Variants in JMJD1C observed in about 807,000 individuals in gnomAD.
JMJD1C encodes the protein jumonji domain-containing protein 1C.
JMJD1C carries 31 observed loss-of-function variants against 245.3 expected under a neutral mutation model. That is an observed-to-expected ratio of 0.13 (90% confidence interval 0.09 to 0.17). JMJD1C has a LOEUF of 0.17. JMJD1C is among the 10% of genes least tolerant of loss of function. The pLI, the probability that JMJD1C is intolerant of heterozygous loss-of-function variation, is 1.00. For synonymous variants in JMJD1C, 1,057 were observed against 1,017.4 expected (o/e 1.04, Z -0.74); for missense variants, 2,691 against 3,000.2 (o/e 0.90, Z 2.41).
chr10:63,293,759 C>G (rs1209518749), intron 2 of JMJD1C, among the ~76,000 whole-genome samples: 1 of 150,538 alleles, frequency 6.6e-6, no homozygotes, highest in Non-Finnish European at 1.5e-5. Flanking sequence ...TTTGAAAATA[C>G]CATATTCTGA....
At chr10:63,193,704 T>A in intron 14 of JMJD1C, 1 of 291,752 alleles carries the variant, frequency 3.4e-6, no homozygotes, top group South Asian at 4.8e-5. Context: ...TCTTGCTCTG[T>A]CACCCAGGCT....
intron 2 of JMJD1C, among the ~76,000 whole-genome samples, chr10:63,320,943 T>C (rs1222040631): frequency 6.6e-6 from 1 of 152,140 alleles, no homozygotes; most frequent in African/African-American, 2.4e-5. Context: ...ACCCCAGACC[T>C]CCAGGGAGAG....
intron 1 of JMJD1C, among the ~76,000 whole-genome samples, chr10:63,399,130 T>G (rs1313116316): frequency 6.6e-6 from 1 of 152,204 alleles, no homozygotes. Context: ...CGGATTTAAA[T>G]AAATGTGATA....
chr10:63,468,990 TG>T (rs200130798), upstream of JMJD1C, among the ~76,000 whole-genome samples: 57 of 152,234 alleles, frequency 3.7e-4, 1 homozygote, highest in Admixed American at 3.6e-3. Context: ...CAAACTATTT[TG>T]TTTTTTTAAA....
At chr10:63,352,834 T>C (rs1464476633) in intron 2 of JMJD1C, among the ~76,000 whole-genome samples, 1 of 152,082 alleles carries the variant, frequency 6.6e-6, no homozygotes, top group Non-Finnish European at 1.5e-5. Context: ...AACCTGTGTA[T>C]ACAGAGGGCT....
At chr10:63,291,701 C>A (rs1482356063) in intron 2 of JMJD1C, among the ~76,000 whole-genome samples, 1 of 151,970 alleles carries the variant, frequency 6.6e-6, no homozygotes, top group East Asian at 1.9e-4. Context: ...GATCACAGTG[C>A]ACTATGGCCT....
intron 1 of JMJD1C, among the ~76,000 whole-genome samples, chr10:63,487,454 A>G (rs768589897): frequency 1.3e-4 from 20 of 152,220 alleles, no homozygotes; most frequent in Non-Finnish European, 2.2e-4. Context: ...CAGTGGATAG[A>G]GGCTAGGATG....
chr10:63,286,408 G>T (rs1460042813), intron 2 of JMJD1C, among the ~76,000 whole-genome samples: 1 of 152,190 alleles, frequency 6.6e-6, no homozygotes, highest in Non-Finnish European at 1.5e-5. Flanking sequence ...CAGCCATTGC[G>T]ACCGTGAACA....
At chr10:63,413,084 C>T (rs931452268) in intron 1 of JMJD1C, among the ~76,000 whole-genome samples, 14 of 152,162 alleles carry the variant, frequency 9.2e-5, no homozygotes, top group South Asian at 4.1e-4. Flanking sequence ...TATTGAAAGA[C>T]TAAGCAGTTC....
chr10:63,328,205 T>G (rs1033895286), intron 2 of JMJD1C, among the ~76,000 whole-genome samples: 1 of 151,724 alleles, frequency 6.6e-6, no homozygotes. Context: ...AACCCCGAAG[T>G]TGGAGGTTAC....
At position 63,337,550 on chromosome 10, in the gene JMJD1C, C is replaced by CAAGAAAAGAAAAGAA. The variant is rs200782668; in HGVS notation, c.333+42753_333+42767dup. On this transcript the variant is annotated intron_variant, in intron 2 of 25. Coordinates refer to ENST00000399262, the MANE Select transcript of JMJD1C (RefSeq NM_032776.3). The stretch of plus-strand genomic sequence containing the variant: ...GAAGGGAGGGGAGGGGAGGAGAGGA[C>CAAGAAAAGAAAAGAA]AAGAAAAGAAAAGAAAAGAAAAGAA... 9.8e-4 allele frequency among the ~76,000 whole-genome samples: 54 copies of CAAGAAAAGAAAAGAA among 55,076 alleles called. 1 individual carries two copies. The highest frequency in any genetic ancestry group is 1.9e-3 in the East Asian group (4 of 2,132). 36.1% of individuals were successfully genotyped at this position (55,076 alleles called of 152,430 possible).
chr10:63,327,615 A>G (rs1159320682), intron 2 of JMJD1C, among the ~76,000 whole-genome samples: 1 of 152,188 alleles, frequency 6.6e-6, no homozygotes. Flanking sequence ...TCTGCTGTCA[A>G]TGCACTTTCA....
Position 63,215,688 on chromosome 10 carries a change from T to C in JMJD1C, c.687A>G (p.Glu229=). ...TMIVMNDQVL[E]PQNVDPSMVQ... Reference sequence around the variant, plus strand: ...CCATAGAAGGATCGACATTCTGTGGTTCTAGTACCTAATCCATGATACAAA... The same window carrying C: ...CCATAGAAGGATCGACATTCTGTGGCTCTAGTACCTAATCCATGATACAAA... The change falls in exon 6 of 26, where the codon GAA becomes GAG. Residue 229 remains glutamate, a synonymous_variant. Coordinates refer to ENST00000399262, the MANE Select transcript of JMJD1C (RefSeq NM_032776.3). The C allele has an allele frequency of 6.4e-7, 1 of 1,570,744 alleles. No homozygotes were observed. Among genetic ancestry groups the C allele is most frequent in the East Asian group, 2.3e-5 (1 of 44,032 alleles).
chr10:63,403,043 T>C (rs1052489127), intron 1 of JMJD1C, among the ~76,000 whole-genome samples: 1 of 152,152 alleles, frequency 6.6e-6, no homozygotes, highest in African/African-American at 2.4e-5. Context: ...ATTGAAATAA[T>C]GTTTGAAACC....
intron 2 of JMJD1C, among the ~76,000 whole-genome samples, chr10:63,339,683 T>C (rs1943193557): frequency 6.6e-6 from 1 of 152,218 alleles, no homozygotes; most frequent in East Asian, 1.9e-4. Context: ...CCCAGCACTT[T>C]GGGAGGTCAA....
Position 63,225,677 on chromosome 10 carries a change from G to C in JMJD1C, c.448-5694C>G, listed in dbSNP as rs148926643. On this transcript the variant is annotated intron_variant, in intron 3 of 25. Transcript: ENST00000399262. The stretch of plus-strand genomic sequence containing the variant: ...CTTGTGAATCCCAGCTACTGGGGAG[G>C]CTGAGGCTGGAGAATCACTTGAACC... Among the ~76,000 whole-genome samples, 488 of 152,068 alleles carry C rather than the reference G, an allele frequency of 3.2e-3. 3 individuals are homozygous for C. The highest frequency in any genetic ancestry group is 0.011 in the African/African-American group (473 of 41,434).
intron 2 of JMJD1C, among the ~76,000 whole-genome samples, chr10:63,295,569 A>G (rs1275325184): frequency 2.0e-5 from 3 of 152,194 alleles, no homozygotes; most frequent in Non-Finnish European, 4.4e-5. Context: ...CTCAAGAAGC[A>G]TTAACTAGAT....
chr10:63,285,704 A>G (rs1018816370), intron 2 of JMJD1C, among the ~76,000 whole-genome samples: 1 of 152,098 alleles, frequency 6.6e-6, no homozygotes, highest in Non-Finnish European at 1.5e-5. Flanking sequence ...GCTACTCAGG[A>G]GGCTGAGTTG....
intron 2 of JMJD1C, among the ~76,000 whole-genome samples, chr10:63,299,865 A>G (rs539674541): frequency 1.3e-4 from 19 of 151,180 alleles, no homozygotes; most frequent in South Asian, 6.3e-4. Context: ...CTTTCAAGGA[A>G]CCCAGTCTTC....
Sources: allele counts gnomAD v4.1 joint callset (sites outside exome capture counted in the v4.1 genomes callset), GRCh38; gene constraint gnomAD v4.1.1; transcripts MANE v1.5; gene names NCBI Gene and HGNC (gene_info 2026-07-23, HGNC 2026-07-21).